Variants in RNF14 observed in about 807,000 individuals in gnomAD.
RNF14 encodes the protein ring finger protein 14.
Under a neutral mutation model 52.6 loss-of-function variants are expected in RNF14, and 26 were observed. The ratio of observed to expected loss-of-function variants is 0.49; its 90% CI spans 0.36 to 0.69. The LOEUF (loss-of-function observed/expected upper bound fraction) is 0.69. Among genes scored for constraint, RNF14 ranks in the 30% least tolerant of loss-of-function variants. The pLI is 0.00. For synonymous variants in RNF14, 194 were observed against 202.0 expected (o/e 0.96, Z 0.34); for missense variants, 404 against 560.4 (o/e 0.72, Z 2.82).
At chr5:141,972,244 T>TC (rs1416094391) in intron 2 of RNF14, among the ~76,000 whole-genome samples, 1 of 151,528 alleles carries the variant, frequency 6.6e-6, no homozygotes, top group African/African-American at 2.4e-5. Flanking sequence ...ATATTTTTTT[T>TC]TTTGAGACAG....
intron 4 of RNF14, among the ~76,000 whole-genome samples, chr5:141,976,738 C>G (rs908471788): frequency 1.3e-5 from 2 of 151,434 alleles, no homozygotes; most frequent in Non-Finnish European, 2.9e-5. Flanking sequence ...TTTCCCGTCC[C>G]CCTTCCATTT....
At chr5:141,986,615 G>C (rs1755258397) in intron 8 of RNF14, among the ~76,000 whole-genome samples, 1 of 152,130 alleles carries the variant, frequency 6.6e-6, no homozygotes, top group Non-Finnish European at 1.5e-5. Context: ...ATTCTAAAAG[G>C]ACTGTTTTGT....
intron 8 of RNF14, among the ~76,000 whole-genome samples, chr5:141,986,853 G>A (rs902200379): frequency 6.6e-6 from 1 of 152,284 alleles, no homozygotes; most frequent in East Asian, 1.9e-4. Flanking sequence ...GGAGAAAAAC[G>A]CTGCATGTGC....
At chr5:141,954,311 A>G (rs762138327), upstream of RNF14, among the ~76,000 whole-genome samples, 6 of 152,202 alleles carry the variant, frequency 3.9e-5, no homozygotes, top group Non-Finnish European at 7.4e-5. Context: ...TTTGGGTGCA[A>G]TGATGCCTAT....
In RNF14 at chr5:141,988,379, T is replaced by C. The variant is rs374028179; in HGVS notation, c.*589T>C. 6.6e-6 allele frequency: 1 copy of C among 152,304 alleles called. No homozygotes were observed. The highest frequency in any genetic ancestry group is 2.4e-5 in the African/African-American group (1 of 41,468). The allele number at this position is 152,304 out of a possible 1,614,324, so 9.4% of individuals were successfully genotyped here. ...TGTCATTTTGATCTGCTTTTCAGAA[T>C]GGAAATTTATAATATAAATATATGT... On this transcript the variant is annotated 3_prime_UTR_variant, in exon 9 of 9. Transcript: ENST00000394520.
intron 1 of RNF14, among the ~76,000 whole-genome samples, chr5:141,959,236 TC>T (rs1281980945): frequency 1.3e-5 from 2 of 152,114 alleles, no homozygotes; most frequent in Admixed American, 6.6e-5. Flanking sequence ...AATTCTTCTC[TC>T]CCCAGTTTTG....
chr5:141,985,862 C>CT (rs894491417), intron 8 of RNF14, among the ~76,000 whole-genome samples: 83 of 152,316 alleles, frequency 5.4e-4, no homozygotes, highest in African/African-American at 2.0e-3. Flanking sequence ...AAAACATTCA[C>CT]TTTTTGAAGA....
In RNF14 at chr5:141,980,157, G is replaced by A. The variant is rs925768003; in HGVS notation, c.869G>A (p.Arg290His). ...TTAGTGGAAGCAGAGTTATTTGCCC[G>A]TTATGACCGCCTTCTCCTCCAGTCC... Reference protein sequence around the residue: ...KELVEAELFARYDRLLLQSSL... With the variant: ...KELVEAELFAHYDRLLLQSSL... Residue 290 changes from arginine to histidine, a missense_variant, in exon 6 of 9, where the codon CGT (arginine) becomes CAT (histidine). Arg to His is a conservative substitution (Grantham distance 29, BLOSUM62 0). Coordinates refer to ENST00000394520, the MANE Select transcript of RNF14 (RefSeq NM_004290.5). The A allele has an allele frequency of 4.3e-6, 7 of 1,614,060 alleles. No individual in the cohort carries two copies. The highest frequency in any genetic ancestry group is 1.1e-5 in the South Asian group (1 of 91,086).
chr5:141,973,610 G>A lies in RNF14; in HGVS notation c.22G>A (p.Ala8Thr), dbSNP rs1753993895. The A allele has an allele frequency of 6.2e-7, 1 of 1,612,774 alleles. No homozygotes were observed. Among genetic ancestry groups the A allele is most frequent in the Non-Finnish European group, 8.5e-7 (1 of 1,179,678 alleles). ...CCTTATGTCGTCAGAAGATCGAGAA[G>A]CTCAGGAGGATGAATTGCTGGCCCT... MSSEDRE[A>T]QEDELLALAS... is the part of the protein sequence containing the mutation. The change falls in exon 3 of 9, where the codon GCT becomes ACT. Residue 8 changes from alanine (A) to threonine (T), a missense_variant. Coordinates refer to ENST00000394520, the MANE Select transcript of RNF14 (RefSeq NM_004290.5).
chr5:141,954,870 C>T, upstream of RNF14: 1 of 1,436,884 alleles, frequency 7.0e-7, no homozygotes, highest in Non-Finnish European at 9.3e-7. Flanking sequence ...CCAGGTGAGC[C>T]TAAGGAAGAA....
At position 141,987,810 on chromosome 5, in the gene RNF14, T is replaced by C; in HGVS notation, c.*20T>C. 2 of 1,609,556 alleles carry C rather than the reference T, an allele frequency of 1.2e-6. No homozygotes were observed. Among genetic ancestry groups the C allele is most frequent in the African/African-American group, 1.3e-5 (1 of 74,932 alleles). On this transcript the variant is annotated 3_prime_UTR_variant, in exon 9 of 9. Coordinates refer to ENST00000394520, the MANE Select transcript of RNF14 (RefSeq NM_004290.5). ...GACTAGTTAACTACTGCTCAAGATA[T>C]GGAAGTGGATTGTTTTTCCCTAATC...
At chr5:141,980,677 T>A (rs953310313) in intron 6 of RNF14, among the ~76,000 whole-genome samples, 3 of 65,738 alleles carry the variant, frequency 4.6e-5, no homozygotes, top group African/African-American at 9.1e-5. Flanking sequence ...GGATTTTAGT[T>A]AGGGAAAACA....
Position 141,983,372 on chromosome 5 carries a change from C to G in RNF14, c.1064-8C>G. ...ATATAAAAGTTAATTTTCCATTTCA[C>G]TTTGTAGAGAAATTAATGGACTTAC... On this transcript the variant is annotated splice_polypyrimidine_tract_variant and splice_region_variant and intron_variant, in intron 6 of 8. Transcript: ENST00000394520. 1 of 1,605,936 alleles carries G rather than the reference C, an allele frequency of 6.2e-7. No individual in the cohort carries two copies. The highest frequency in any genetic ancestry group is 1.1e-5 in the South Asian group (1 of 89,672).
At chr5:141,974,481 T>C (rs1373323200) in intron 3 of RNF14, among the ~76,000 whole-genome samples, 1 of 152,242 alleles carries the variant, frequency 6.6e-6, no homozygotes, top group African/African-American at 2.4e-5. Context: ...TCTTCAATCA[T>C]CCACTGTAAA....
upstream of RNF14, chr5:141,958,013 AC>A: frequency 1.3e-6 from 1 of 787,218 alleles, no homozygotes; most frequent in Admixed American, 3.0e-5. Flanking sequence ...AACAAGCAGG[AC>A]CCCAAGGCAA....
At chr5:141,983,324 T>C (rs577866466) in intron 6 of RNF14, 56 bp from the exon 7 acceptor site, 1 of 1,352,876 alleles carries the variant, frequency 7.4e-7, no homozygotes, top group African/African-American at 1.5e-5. Flanking sequence ...TTTTTAATGA[T>C]TTTTGGTCAG....
chr5:141,951,399 CTT>C, the RNF14 span: 1 of 939,832 alleles, frequency 1.1e-6, no homozygotes, highest in Non-Finnish European at 1.7e-6. Context: ...CGGTGTCTGA[CTT>C]GTGCTCACCC....
Position 141,978,759 on chromosome 5 carries a change from A to G in RNF14, c.763A>G (p.Ile255Val). The change falls in exon 5 of 9, where the codon ATC becomes GTC. Residue 255 changes from isoleucine (I) to valine (V), a missense_variant. Physicochemically the swap from Ile to Val is conservative, Grantham distance 29. Coordinates refer to ENST00000394520, the MANE Select transcript of RNF14 (RefSeq NM_004290.5). ...TCTGAAGGACTACTTTGAAATCCAG[A>G]TCAGAGATGGCCAGGTTCAATGCCT... ...ACLKDYFEIQ[I>V]RDGQVQCLNC... 6.2e-7 allele frequency: 1 copy of G among 1,614,014 alleles called. No homozygotes were observed.
upstream of RNF14, among the ~76,000 whole-genome samples, chr5:141,967,595 A>G (rs1418238596): frequency 6.6e-6 from 1 of 152,168 alleles, no homozygotes; most frequent in Admixed American, 6.5e-5. Context: ...TGGCCCATGA[A>G]TCTAATCCTG....
Sources: allele counts gnomAD v4.1 joint callset (sites outside exome capture counted in the v4.1 genomes callset), GRCh38; gene constraint gnomAD v4.1.1; transcripts MANE v1.5; gene names NCBI Gene and HGNC (gene_info 2026-07-23, HGNC 2026-07-21).